The following CHEK1 variants were observed in gnomAD, a reference collection of about 807,000 sequenced individuals.
The protein encoded by CHEK1 is serine/threonine-protein kinase Chk1.
CHEK1 carries 32 observed loss-of-function variants against 60.2 expected under a neutral mutation model. That is an observed-to-expected ratio of 0.53 (90% CI 0.40 to 0.71). The LOEUF (loss-of-function observed/expected upper bound fraction) is 0.71. Ranked by LOEUF, CHEK1 falls within the 30% of genes least tolerant of loss-of-function variation. The pLI, the probability that CHEK1 is intolerant of heterozygous loss-of-function variation, is 0.00. For missense variants in CHEK1, 399 were observed against 564.6 expected (o/e 0.71, Z 2.97); for synonymous variants, 179 against 187.2 (o/e 0.96, Z 0.36).
chr11:125,656,291 T>TA lies in CHEK1; in HGVS notation c.*972dup, dbSNP rs1268601050. On this transcript the variant is annotated 3_prime_UTR_variant, in exon 13 of 13. Coordinates refer to ENST00000438015, the MANE Select transcript of CHEK1 (RefSeq NM_001114122.3). Reference sequence around the variant, plus strand: ...GCGTGAACCTGGAAGTTTGAGGCTGTAGTGAGCTATGATTGCACCAGTGCA... The same window carrying TA: ...GCGTGAACCTGGAAGTTTGAGGCTGTAAGTGAGCTATGATTGCACCAGTGCA... 4 of 213,098 alleles carry TA rather than the reference T, an allele frequency of 1.9e-5. No individual in the cohort carries two copies. The highest frequency in any genetic ancestry group is 5.9e-5 in the Admixed American group (1 of 17,052). 13.2% of individuals were successfully genotyped at this position (213,098 alleles called of 1,614,324 possible).
intron 13 of CHEK1, among the ~76,000 whole-genome samples, chr11:125,675,125 G>A (rs1942428555): frequency 6.6e-6 from 1 of 152,094 alleles, no homozygotes; most frequent in African/African-American, 2.4e-5. Context: ...TAATTGCTTT[G>A]GTGCAACCTG....
chr11:125,644,913 CA>C (rs1412251587), intron 11 of CHEK1, among the ~76,000 whole-genome samples: 1 of 151,970 alleles, frequency 6.6e-6, no homozygotes, highest in East Asian at 1.9e-4. Context: ...GAGGCTGAGG[CA>C]CGAGAATTGC....
intron 13 of CHEK1, among the ~76,000 whole-genome samples, chr11:125,671,340 A>G (rs11220179): frequency 0.018 from 2,772 of 152,172 alleles, 80 homozygotes; most frequent in African/African-American, 0.063. Flanking sequence ...GCCAAGTTGA[A>G]AATTCATTTA....
In CHEK1 at chr11:125,640,539, C is replaced by CAA. The variant is rs35982773; in HGVS notation, c.814+3009_814+3010dup. Among the ~76,000 whole-genome samples, 184 of 100,248 alleles carry CAA rather than the reference C, an allele frequency of 1.8e-3. 1 individual carries two copies. Among genetic ancestry groups the CAA allele is most frequent in the African/African-American group, 4.9e-3 (132 of 26,992 alleles). The allele number at this position is 100,248 out of a possible 152,430, so 65.8% of individuals were successfully genotyped here. ...CCTGGGCAACAGCGAGACTCCGTCT[C>CAA]AAAAAAAAAAAAAAAGAAATTCATG... On this transcript the variant is annotated intron_variant, in intron 8 of 12. Coordinates refer to ENST00000438015, the MANE Select transcript of CHEK1 (RefSeq NM_001114122.3).
At chr11:125,640,474 G>A (rs1311327557) in intron 8 of CHEK1, among the ~76,000 whole-genome samples, 1 of 151,368 alleles carries the variant, frequency 6.6e-6, no homozygotes, top group African/African-American at 2.4e-5. Context: ...CCCGGGGGGC[G>A]GAGCTTGCAG....
chr11:125,658,685 CTTTTTTTTTTTTTTTT>C (rs67342073), downstream of CHEK1, among the ~76,000 whole-genome samples: 4 of 34,874 alleles, frequency 1.1e-4, no homozygotes, highest in Middle Eastern at 0.038. Flanking sequence ...ATGGCTTTTG[CTTTTTTTTTTTTTTTT>C]TTTTTTTTTT....
At position 125,653,348 on chromosome 11, in the gene CHEK1, G is replaced by C. The variant is rs912216504; in HGVS notation, c.1234-398G>C. Reference sequence around the variant, plus strand: ...TTCTGCCTCAGCCCCCTGAGTAGCTGGGCCTGTAGGCATGCACCACCATGC... The same window carrying C: ...TTCTGCCTCAGCCCCCTGAGTAGCTCGGCCTGTAGGCATGCACCACCATGC... On this transcript the variant is annotated intron_variant, in intron 11 of 12. Transcript: ENST00000438015. The surrounding 1 kb of genome is among the most constrained non-coding windows in gnomAD (Gnocchi z 4.3). Among the ~76,000 whole-genome samples the C allele has an allele frequency of 5.9e-5, 9 of 152,124 alleles. No homozygotes were observed. Among genetic ancestry groups the C allele is most frequent in the African/African-American group, 1.7e-4 (7 of 41,418 alleles).
intron 8 of CHEK1, among the ~76,000 whole-genome samples, chr11:125,642,061 T>C (rs181881840): frequency 3.3e-5 from 5 of 152,322 alleles, no homozygotes; most frequent in Admixed American, 2.6e-4. Flanking sequence ...CCAAGTGCTC[T>C]AGGCACACTT....
downstream of CHEK1, among the ~76,000 whole-genome samples, chr11:125,679,202 T>G (rs1942674533): frequency 7.4e-6 from 1 of 135,580 alleles, no homozygotes. Flanking sequence ...CTTCTACCTT[T>G]AATCCGTCTC....
chr11:125,680,836 A>G (rs1264681596), downstream of CHEK1: 30 of 1,485,392 alleles, frequency 2.0e-5, no homozygotes, highest in Non-Finnish European at 2.5e-5. Context: ...TCACAGAGCT[A>G]TGAAGCAAAC....
At chr11:125,654,915 G>T (rs1941859753) in intron 12 of CHEK1, among the ~76,000 whole-genome samples, 1 of 152,166 alleles carries the variant, frequency 6.6e-6, no homozygotes, top group South Asian at 2.1e-4. Context: ...AACCCTCACT[G>T]CCTATGGAAT....
rs1591408730 is a variant in CHEK1 at position 125,643,935 on chromosome 11, T to C, written c.923+35T>C. 6.3e-6 allele frequency: 10 copies of C among 1,575,266 alleles called. No individual in the cohort carries two copies. In the East Asian group the frequency reaches 2.2e-4, roughly 35 times the overall value. ...ATAAAGATTGAGTAGTTTTTGATTG[T>C]AGTATTCCCCATGAAGAATAATACA... On this transcript the variant is annotated intron_variant, in intron 9 of 12. Coordinates refer to ENST00000438015, the MANE Select transcript of CHEK1 (RefSeq NM_001114122.3).
At chr11:125,676,882 G>A (rs1215246881), downstream of CHEK1, among the ~76,000 whole-genome samples, 3 of 152,156 alleles carry the variant, frequency 2.0e-5, no homozygotes, top group Admixed American at 6.5e-5. Flanking sequence ...ATATTTGACC[G>A]ATTAATAAGC....
intron 7 of CHEK1, 122 bp from the exon 8 acceptor site, chr11:125,637,327 T>C (rs1941108022): frequency 1.6e-6 from 1 of 645,056 alleles, no homozygotes; most frequent in African/African-American, 1.9e-5. Flanking sequence ...TTTAATTCTT[T>C]CTCTTCCCCA....
At chr11:125,680,034 CACAT>C (rs1234017129), downstream of CHEK1, among the ~76,000 whole-genome samples, 1 of 152,196 alleles carries the variant, frequency 6.6e-6, no homozygotes, top group Non-Finnish European at 1.5e-5. Flanking sequence ...ATGTGACTGG[CACAT>C]ACTATCACCT....
intron 5 of CHEK1, among the ~76,000 whole-genome samples, chr11:125,631,887 AAGG>A (rs1337635702): frequency 1.4e-5 from 2 of 146,976 alleles, no homozygotes; most frequent in Admixed American, 6.7e-5. Flanking sequence ...AAAAAAAAAA[AAGG>A]GTAATCACAG....
Position 125,627,697 on chromosome 11 carries a change from TAAGA to T in CHEK1, c.161_164del (p.Lys54ArgfsTer8), listed in dbSNP as rs957835845. ...GTGCCGTAGACTGTCCAGAAAATAT[TAAGA>T]AAGAGATCTGTATCAATAAAATGCT... On this transcript the variant is annotated frameshift_variant, in exon 3 of 13. Coordinates refer to ENST00000438015, the MANE Select transcript of CHEK1 (RefSeq NM_001114122.3). LOFTEE classifies it high-confidence loss of function. The T allele has an allele frequency of 5.6e-6, 9 of 1,613,774 alleles. No homozygotes were observed. The highest frequency in any genetic ancestry group is 2.7e-5 in the African/African-American group (2 of 74,914).
At position 125,635,419 on chromosome 11, in the gene CHEK1, T is replaced by G. The variant is rs1941032960; in HGVS notation, c.614-10T>G. The G allele has an allele frequency of 6.6e-7, 1 of 1,522,092 alleles. No individual in the cohort carries two copies. The highest frequency in any genetic ancestry group is 8.8e-7 in the Non-Finnish European group (1 of 1,130,188). 94.3% of individuals were successfully genotyped at this position (1,522,092 alleles called of 1,614,324 possible). ...ACATTTAAAAAAACTGGGACTTGCT[T>G]TGTTTTTAGAATTGCCATGGGACCA... On this transcript the variant is annotated splice_polypyrimidine_tract_variant and intron_variant, in intron 6 of 12. Coordinates refer to ENST00000438015, the MANE Select transcript of CHEK1 (RefSeq NM_001114122.3).
chr11:125,628,545 C>G (rs1940719662), intron 3 of CHEK1, among the ~76,000 whole-genome samples: 1 of 152,062 alleles, frequency 6.6e-6, no homozygotes, highest in South Asian at 2.1e-4. Flanking sequence ...AAAAAGATAA[C>G]TGATAAAAGA....
Sources: allele counts gnomAD v4.1 joint callset (sites outside exome capture counted in the v4.1 genomes callset), GRCh38; gene constraint gnomAD v4.1.1; non-coding constraint Gnocchi (gnomAD v3.1); transcripts MANE v1.5; gene names NCBI Gene and HGNC (gene_info 2026-07-23, HGNC 2026-07-21).